The following APBB1IP variants were observed in gnomAD, a reference collection of about 807,000 sequenced individuals.
APBB1IP encodes amyloid beta A4 precursor protein-binding family B member 1-interacting protein.
A neutral mutation model predicts 64.9 loss-of-function variants in APBB1IP; 27 were observed. The ratio of observed to expected loss-of-function variants is 0.42; its 90% CI spans 0.31 to 0.57. The LOEUF is 0.57. Ranked by LOEUF, APBB1IP falls within the 20% of genes least tolerant of loss-of-function variation. The pLI is 0.20. For synonymous variants in APBB1IP, 392 were observed against 331.0 expected (o/e 1.18, Z -2.00); for missense variants, 812 against 845.5 (o/e 0.96, Z 0.49).
intron 2 of APBB1IP, among the ~76,000 whole-genome samples, chr10:26,485,426 A>G (rs533213691): frequency 1.3e-5 from 2 of 152,194 alleles, no homozygotes; most frequent in Non-Finnish European, 2.9e-5. Flanking sequence ...TCTTCTCATT[A>G]GTCTGGGAAG....
intron 8 of APBB1IP, among the ~76,000 whole-genome samples, chr10:26,524,224 C>T (rs1279283651): frequency 3.9e-5 from 6 of 152,154 alleles, no homozygotes; most frequent in African/African-American, 1.2e-4. Context: ...TGACCTCCTC[C>T]CTTTGCCCCT....
At chr10:26,546,559 A>C (rs1024866699) in intron 11 of APBB1IP, among the ~76,000 whole-genome samples, 3 of 152,192 alleles carry the variant, frequency 2.0e-5, no homozygotes, top group Admixed American at 1.3e-4. Flanking sequence ...CCTCTCTTCT[A>C]GCTGTTTGAA....
intron 2 of APBB1IP, among the ~76,000 whole-genome samples, chr10:26,448,152 A>AC (rs1554772465): frequency 2.9e-4 from 44 of 151,964 alleles, no homozygotes; most frequent in African/African-American, 8.2e-4. Flanking sequence ...AAAATAATAT[A>AC]TTAATTTTGA....
At chr10:26,559,413 C>A (rs1472294800) in intron 11 of APBB1IP, among the ~76,000 whole-genome samples, 3 of 148,640 alleles carry the variant, frequency 2.0e-5, no homozygotes. Context: ...AAAAAAAAAA[C>A]AACGTTTTTT....
intron 8 of APBB1IP, among the ~76,000 whole-genome samples, chr10:26,527,410 G>A (rs111555645): frequency 1.4e-4 from 21 of 152,002 alleles, no homozygotes; most frequent in African/African-American, 5.1e-4. Flanking sequence ...AGCTGGGTGT[G>A]ATGGCATGCA....
intron 9 of APBB1IP, among the ~76,000 whole-genome samples, chr10:26,534,398 C>T (rs926569366): frequency 2.6e-5 from 4 of 151,886 alleles, no homozygotes; most frequent in African/African-American, 9.7e-5. Flanking sequence ...CTAGAACTGC[C>T]CAGGTTGTAT....
intron 11 of APBB1IP, among the ~76,000 whole-genome samples, chr10:26,546,880 C>T (rs976904280): frequency 6.6e-6 from 1 of 152,148 alleles, no homozygotes; most frequent in Admixed American, 6.5e-5. Flanking sequence ...GTCTCTTTGA[C>T]ATATTGATTT....
chr10:26,516,601 G>A (rs1013605543), intron 8 of APBB1IP, among the ~76,000 whole-genome samples: 2 of 149,304 alleles, frequency 1.3e-5, no homozygotes, highest in African/African-American at 5.0e-5. Flanking sequence ...AGGGAGGGGT[G>A]TGGTAACGCA....
intron 8 of APBB1IP, among the ~76,000 whole-genome samples, chr10:26,525,136 G>A (rs1836457527): frequency 6.6e-6 from 1 of 151,466 alleles, no homozygotes; most frequent in African/African-American, 2.4e-5. Flanking sequence ...TTAAAAATTA[G>A]CTGGGCGGGG....
intron 2 of APBB1IP, among the ~76,000 whole-genome samples, chr10:26,467,892 G>A (rs1374180475): frequency 6.6e-6 from 1 of 152,098 alleles, no homozygotes; most frequent in African/African-American, 2.4e-5. Flanking sequence ...TCTCGTAATC[G>A]CTTATGAGAT....
intron 10 of APBB1IP, among the ~76,000 whole-genome samples, chr10:26,536,798 G>A (rs1162552170): frequency 6.7e-6 from 1 of 148,966 alleles, no homozygotes; most frequent in Admixed American, 6.8e-5. Context: ...GTAGAGACGG[G>A]GTTTCACCAT....
intron 5 of APBB1IP, among the ~76,000 whole-genome samples, chr10:26,502,804 A>C (rs1278805736): frequency 6.6e-6 from 1 of 152,208 alleles, no homozygotes; most frequent in Non-Finnish European, 1.5e-5. Context: ...CAATCTATAG[A>C]TTCCTTAGGT....
At chr10:26,440,454 G>A (rs902483125) in intron 2 of APBB1IP, among the ~76,000 whole-genome samples, 5 of 152,110 alleles carry the variant, frequency 3.3e-5, no homozygotes, top group Non-Finnish European at 7.3e-5. Context: ...ATATCTTTGA[G>A]GTCTTTTGTT....
At chr10:26,491,187 G>A (rs1835950650) in intron 2 of APBB1IP, among the ~76,000 whole-genome samples, 1 of 152,070 alleles carries the variant, frequency 6.6e-6, no homozygotes, top group Non-Finnish European at 1.5e-5. Context: ...GCTGAGGAAG[G>A]AGAATTGCTT....
intron 2 of APBB1IP, among the ~76,000 whole-genome samples, chr10:26,453,840 A>C (rs546678367): frequency 1.3e-4 from 20 of 152,364 alleles, no homozygotes; most frequent in African/African-American, 4.8e-4. Flanking sequence ...TAGATCTACC[A>C]TATGATCTAG....
At chr10:26,461,177 AAAG>A (rs1376820654) in intron 2 of APBB1IP, among the ~76,000 whole-genome samples, 1 of 152,082 alleles carries the variant, frequency 6.6e-6, no homozygotes, top group African/African-American at 2.4e-5. Flanking sequence ...AGAAAGAAGG[AAAG>A]AAGGAAGGAA....
At chr10:26,552,499 T>C (rs1836844101) in intron 11 of APBB1IP, among the ~76,000 whole-genome samples, 1 of 152,006 alleles carries the variant, frequency 6.6e-6, no homozygotes, top group Non-Finnish European at 1.5e-5. Context: ...CTCAGGAGGC[T>C]GAGGCAGAAG....
At chr10:26,490,167 T>A (rs1006217196) in intron 2 of APBB1IP, among the ~76,000 whole-genome samples, 1 of 152,220 alleles carries the variant, frequency 6.6e-6, no homozygotes, top group African/African-American at 2.4e-5. Flanking sequence ...AATAAAAATA[T>A]GTGACTGCTA....
At chr10:26,447,374 C>CAA (rs55948326) in intron 2 of APBB1IP, among the ~76,000 whole-genome samples, 18,612 of 54,078 alleles carry the variant, frequency 0.34, 2,704 homozygotes, top group East Asian at 0.49. Flanking sequence ...GACTCCGTCT[C>CAA]AAAAAAAAAA....
Sources: gnomAD v4.1 joint callset for allele counts (sites outside exome capture counted in the v4.1 genomes callset) on GRCh38, gnomAD v4.1.1 for gene constraint, MANE v1.5 for transcripts, NCBI Gene and HGNC (gene_info 2026-07-23, HGNC 2026-07-21) for gene names.